The following ABHD2 variants were observed in gnomAD, a reference collection of about 807,000 sequenced individuals.
The protein encoded by ABHD2 is monoacylglycerol lipase ABHD2.
Under a neutral mutation model 48.1 loss-of-function variants are expected in ABHD2, and 20 were observed. The ratio of observed to expected loss-of-function variants is 0.42; its 90% CI spans 0.29 to 0.60. The LOEUF (loss-of-function observed/expected upper bound fraction) is 0.60. Ranked by LOEUF, ABHD2 falls within the 20% of genes least tolerant of loss-of-function variation. The pLI, the probability that ABHD2 is intolerant of heterozygous loss-of-function variation, is 0.24. For missense variants in ABHD2, 405 were observed against 550.9 expected, an observed-to-expected ratio of 0.74 and a Z score of 2.65; for synonymous variants, 209 against 214.2, an observed-to-expected ratio of 0.98 and a Z score of 0.21.
At chr15:89,194,066 G>A (rs1432311269) in intron 10 of ABHD2, among the ~76,000 whole-genome samples, 1 of 152,110 alleles carries the variant, frequency 6.6e-6, no homozygotes, top group Non-Finnish European at 1.5e-5. Context: ...ACTCCAGCCT[G>A]GGCAACAGAG....
the ABHD2 span, among the ~76,000 whole-genome samples, chr15:89,052,869 G>T: frequency 6.6e-6 from 1 of 151,990 alleles, no homozygotes; most frequent in South Asian, 2.1e-4. Flanking sequence ...CTTTCTCCAA[G>T]ACATTTTGTC....
At chr15:89,103,905 A>G (rs926683636) in intron 1 of ABHD2, 5 of 152,176 alleles carry the variant, frequency 3.3e-5, no homozygotes, top group Admixed American at 2.6e-4. Flanking sequence ...CATTTCAGGC[A>G]CAGATGAATC....
chr15:89,154,484 G>C (rs1192788778), intron 4 of ABHD2, among the ~76,000 whole-genome samples: 4 of 152,140 alleles, frequency 2.6e-5, no homozygotes, highest in Non-Finnish European at 1.5e-5. Flanking sequence ...ACAGTATACA[G>C]TGAAAGTATC....
chr15:89,136,043 C>T lies in ABHD2; in HGVS notation c.195-15634C>T, dbSNP rs2050305370. 7 of 214,402 alleles carry T rather than the reference C, an allele frequency of 3.3e-5. No individual in the cohort carries two copies. In the South Asian group the frequency reaches 4.1e-4, roughly 12 times the overall value. 13.3% of individuals were successfully genotyped at this position (214,402 alleles called of 1,614,324 possible). A position where few individuals can be genotyped will look rare whatever the true frequency, so the allele number is the denominator to read the frequency against. On this transcript the variant is annotated intron_variant, in intron 3 of 10. Transcript: ENST00000352732. ...CCAGGTTCAAGCGATTCTTTTGCCT[C>T]AGCCTCCCGAGTAGCTGGGATTACA... is the stretch of plus-strand genomic sequence containing the variant.
At chr15:89,077,863 C>T in the ABHD2 span, among the ~76,000 whole-genome samples, 1 of 152,154 alleles carries the variant, frequency 6.6e-6, no homozygotes, top group Non-Finnish European at 1.5e-5. Context: ...CTTCCATTAT[C>T]TTGTACTGTG....
Position 89,174,776 on chromosome 15 carries a change from C to G in ABHD2, c.539-1036C>G, listed in dbSNP as rs2050984859. On this transcript the variant is annotated intron_variant, in intron 5 of 10. Transcript: ENST00000352732. The surrounding 1 kb of genome is among the most constrained non-coding windows in gnomAD (Gnocchi z 4.1). ...GCTCCCTACAGAGTTTGAGGTTGGG[C>G]CTTAGAAGGATGTGATGAATCCCTT... 6.6e-6 allele frequency among the ~76,000 whole-genome samples: 1 copy of G among 152,174 alleles called. No individual in the cohort carries two copies. The highest frequency in any genetic ancestry group is 1.5e-5 in the Non-Finnish European group (1 of 68,034).
At position 89,175,668 on chromosome 15, in the gene ABHD2, C is replaced by T. The variant is rs879045433; in HGVS notation, c.539-144C>T. 1 of 834,528 alleles carries T rather than the reference C, an allele frequency of 1.2e-6. No individual in the cohort carries two copies. Among genetic ancestry groups the T allele is most frequent in the South Asian group, 1.8e-5 (1 of 57,120 alleles). 51.7% of individuals were successfully genotyped at this position (834,528 alleles called of 1,614,324 possible). A position where few individuals can be genotyped will look rare whatever the true frequency, so the allele number is the denominator to read the frequency against. ...GTCTGTCTCTCTCTCCACACACATC[C>T]CCCGACACACACACGTATATATACA... On this transcript the variant is annotated intron_variant, in intron 5 of 10. Transcript: ENST00000352732. This position sits in a 1 kb window ranked among gnomAD's most constrained non-coding sequence, Gnocchi z 5.7.
the ABHD2 span, among the ~76,000 whole-genome samples, chr15:89,068,196 GCA>G: frequency 0.63 from 94,868 of 149,624 alleles, 30,191 homozygotes; most frequent in South Asian, 0.82. Context: ...ATGTGCGCGT[GCA>G]CACACACACA....
intron 5 of ABHD2, among the ~76,000 whole-genome samples, chr15:89,156,411 G>A (rs1246174658): frequency 4.6e-5 from 7 of 151,928 alleles, no homozygotes; most frequent in Admixed American, 6.5e-5. Context: ...ATGAGCCACC[G>A]CGCCCCGCCT....
At chr15:89,124,905 A>G (rs1288092938) in intron 3 of ABHD2, among the ~76,000 whole-genome samples, 1 of 152,200 alleles carries the variant, frequency 6.6e-6, no homozygotes, top group Non-Finnish European at 1.5e-5. Flanking sequence ...CCTGGCCAAC[A>G]TGGTGAAACC....
chr15:89,138,867 T>C (rs200391951), intron 3 of ABHD2, among the ~76,000 whole-genome samples: 1 of 73,750 alleles, frequency 1.4e-5, no homozygotes. Context: ...TTTTTTTTTC[T>C]TTTTTTTTCC....
chr15:89,129,106 G>A (rs910652089), intron 3 of ABHD2, among the ~76,000 whole-genome samples: 1 of 152,198 alleles, frequency 6.6e-6, no homozygotes, highest in Non-Finnish European at 1.5e-5. Flanking sequence ...CTTGTCCACA[G>A]GATGTGCACA....
At chr15:89,072,469 C>T in the ABHD2 span, among the ~76,000 whole-genome samples, 1 of 141,776 alleles carries the variant, frequency 7.1e-6, no homozygotes, top group Admixed American at 7.5e-5. Context: ...GAGCAAGACT[C>T]GGTCTCAAAA....
At position 89,116,273 on chromosome 15, in the gene ABHD2, C is replaced by G. The variant is rs2049958613; in HGVS notation, c.-6-49C>G. 4 of 1,555,826 alleles carry G rather than the reference C, an allele frequency of 2.6e-6. No homozygotes were observed. In the Admixed American group the frequency reaches 5.3e-5, roughly 21 times the overall value. On this transcript the variant is annotated intron_variant, in intron 2 of 10. Coordinates refer to ENST00000352732, the MANE Select transcript of ABHD2 (RefSeq NM_152924.5). The surrounding 1 kb of genome is among the most constrained non-coding windows in gnomAD (Gnocchi z 4.6). ...TGCGTCTGTAGGGTGGTGGGCACCA[C>G]CCGTCCTCACTGTGCTTGTAAACTT... is the stretch of plus-strand genomic sequence containing the variant.
intron 3 of ABHD2, among the ~76,000 whole-genome samples, chr15:89,127,043 GT>G (rs1203799269): frequency 1.3e-5 from 2 of 152,144 alleles, no homozygotes; most frequent in Non-Finnish European, 1.5e-5. Flanking sequence ...TGCCATTGCT[GT>G]TTGCTACCCC....
At chr15:89,183,380 AAAAAATATAT>A (rs1404066657) in intron 6 of ABHD2, 67 of 58,392 alleles carry the variant, frequency 1.1e-3, no homozygotes, top group African/African-American at 5.3e-3. Context: ...AAAAAAAAAA[AAAAAATATAT>A]ATATATATAT....
At chr15:89,108,977 C>G (rs2049830635) in intron 1 of ABHD2, among the ~76,000 whole-genome samples, 1 of 152,190 alleles carries the variant, frequency 6.6e-6, no homozygotes, top group Non-Finnish European at 1.5e-5. Flanking sequence ...CTAACCTTCT[C>G]ATTTTACAGA....
chr15:89,175,041 G>C lies in ABHD2; in HGVS notation c.539-771G>C, dbSNP rs1280452926. On this transcript the variant is annotated intron_variant, in intron 5 of 10. Coordinates refer to ENST00000352732, the MANE Select transcript of ABHD2 (RefSeq NM_152924.5). The surrounding 1 kb of genome is among the most constrained non-coding windows in gnomAD (Gnocchi z 5.7). ...CCTAATCCTACAGAGCATCCTGGCA[G>C]TCCCTCTGGACTGAAGTTTATCTTT... is the stretch of plus-strand genomic sequence containing the variant. 6.6e-6 allele frequency among the ~76,000 whole-genome samples: 1 copy of C among 152,134 alleles called. No individual in the cohort carries two copies. The highest frequency in any genetic ancestry group is 1.9e-4 in the East Asian group (1 of 5,194).
At chr15:89,061,086 G>A in the ABHD2 span, among the ~76,000 whole-genome samples, 6 of 146,110 alleles carry the variant, frequency 4.1e-5, 1 homozygote, top group Non-Finnish European at 6.0e-5. Context: ...CTCCAAAAAT[G>A]GGGAGGGAGG....
Sources: allele counts gnomAD v4.1 joint callset (sites outside exome capture counted in the v4.1 genomes callset), GRCh38; gene constraint gnomAD v4.1.1; non-coding constraint Gnocchi (gnomAD v3.1); transcripts MANE v1.5; gene names NCBI Gene and HGNC (gene_info 2026-07-23, HGNC 2026-07-21).